Variants in PRKCE observed in about 807,000 individuals in gnomAD.
The protein encoded by PRKCE is protein kinase C epsilon type.
A neutral mutation model predicts 85.4 loss-of-function variants in PRKCE; 16 were observed. The observed-to-expected ratio is 0.19, with a 90% CI of 0.13 to 0.28. The LOEUF (loss-of-function observed/expected upper bound fraction) is 0.28. Ranked by LOEUF, PRKCE falls within the 10% of genes least tolerant of loss-of-function variation. The probability of loss-of-function intolerance (pLI) is 1.00; values close to 1 mark genes in which losing one functional copy is unlikely to be tolerated. For synonymous variants in PRKCE, 388 were observed against 371.5 expected (o/e 1.04, Z -0.51); for missense variants, 573 against 975.2 (o/e 0.59, Z 5.49).
Position 45,865,105 on chromosome 2 carries a change from C to T in PRKCE, c.412+22042C>T, listed in dbSNP as rs771356847. On this transcript the variant is annotated intron_variant, in intron 2 of 14. Transcript: ENST00000306156. ...GTTACCTGGGGAACTTGTTAAAATG[C>T]GGATTCTGAATCAGAAAATCTGGGG... is the stretch of plus-strand genomic sequence containing the variant. 1.2e-4 allele frequency among the ~76,000 whole-genome samples: 18 copies of T among 152,284 alleles called. No homozygotes were observed. The East Asian group carries it at 1.3e-3, about 11-fold the overall frequency.
chr2:45,776,647 A>G (rs1001641085), intron 1 of PRKCE, among the ~76,000 whole-genome samples: 1 of 152,208 alleles, frequency 6.6e-6, no homozygotes, highest in African/African-American at 2.4e-5. Context: ...AGATGATCTA[A>G]TCAAAACCAC....
At chr2:45,836,222 T>G (rs2105437314) in intron 1 of PRKCE, among the ~76,000 whole-genome samples, 1 of 152,364 alleles carries the variant, frequency 6.6e-6, no homozygotes, top group East Asian at 1.9e-4. Context: ...GAAGCCTGCA[T>G]GTCTTTGCAC....
At chr2:46,104,031 G>T (rs1348093801) in intron 11 of PRKCE, among the ~76,000 whole-genome samples, 3 of 152,140 alleles carry the variant, frequency 2.0e-5, no homozygotes, top group Non-Finnish European at 4.4e-5. Flanking sequence ...TCCACCGTTT[G>T]CTTTATTTTC....
intron 5 of PRKCE, among the ~76,000 whole-genome samples, chr2:45,984,134 C>T (rs1269716992): frequency 2.0e-5 from 3 of 151,944 alleles, no homozygotes; most frequent in Non-Finnish European, 4.4e-5. Context: ...GACAGGGTTT[C>T]ACCATGTTGG....
At chr2:46,110,762 T>G (rs1672183687) in intron 11 of PRKCE, among the ~76,000 whole-genome samples, 1 of 152,092 alleles carries the variant, frequency 6.6e-6, no homozygotes, top group South Asian at 2.1e-4. Flanking sequence ...CTTTTCTAGT[T>G]TCTTGGGGCA....
intron 1 of PRKCE, among the ~76,000 whole-genome samples, chr2:45,754,706 C>T (rs1223175241): frequency 1.3e-5 from 2 of 152,208 alleles, no homozygotes; most frequent in African/African-American, 2.4e-5. Flanking sequence ...TCTAATTTAG[C>T]TTCCCCATCC....
At chr2:46,062,709 A>G (rs944293146) in intron 10 of PRKCE, among the ~76,000 whole-genome samples, 6 of 113,316 alleles carry the variant, frequency 5.3e-5, no homozygotes, top group Non-Finnish European at 8.1e-5. Flanking sequence ...GGTCTCGCTC[A>G]GTGGCCCAGG....
chr2:46,045,587 T>C (rs1708473398), intron 10 of PRKCE, among the ~76,000 whole-genome samples: 2 of 152,174 alleles, frequency 1.3e-5, no homozygotes, highest in Non-Finnish European at 2.9e-5. Context: ...CTATGGAAAA[T>C]GAAGCATATG....
chr2:45,931,182 C>T (rs1444873543), intron 2 of PRKCE, among the ~76,000 whole-genome samples: 1 of 152,212 alleles, frequency 6.6e-6, no homozygotes, highest in Non-Finnish European at 1.5e-5. Context: ...TAAGTCCTTG[C>T]ACTCTGATAA....
chr2:45,769,301 A>G (rs552886813), intron 1 of PRKCE, among the ~76,000 whole-genome samples: 2 of 151,806 alleles, frequency 1.3e-5, no homozygotes, highest in Non-Finnish European at 2.9e-5. Flanking sequence ...CTTCCTCCCC[A>G]TGGATACATC....
At chr2:45,860,932 G>A (rs1448855647) in intron 2 of PRKCE, among the ~76,000 whole-genome samples, 1 of 152,140 alleles carries the variant, frequency 6.6e-6, no homozygotes, top group African/African-American at 2.4e-5. Context: ...TCCTTAACCC[G>A]TGTCCCAGAC....
intron 13 of PRKCE, among the ~76,000 whole-genome samples, chr2:46,153,048 C>T (rs1184854045): frequency 5.3e-5 from 8 of 152,040 alleles, no homozygotes; most frequent in Non-Finnish European, 1.2e-4. Context: ...CTCTCTCTTT[C>T]ATTCATTCAT....
rs1680509731 is a variant in PRKCE, at chr2:46,187,227, G to A, written c.*2346G>A. 6.6e-6 allele frequency: 1 copy of A among 152,660 alleles called. No individual in the cohort carries two copies. The highest frequency in any genetic ancestry group is 2.4e-5 in the African/African-American group (1 of 41,458). The allele number at this position is 152,660 out of a possible 1,614,324, so 9.5% of individuals were successfully genotyped here. On this transcript the variant is annotated 3_prime_UTR_variant, in exon 15 of 15. Coordinates refer to ENST00000306156, the MANE Select transcript of PRKCE (RefSeq NM_005400.3). ...AGGGCCTAGTGTTTGCACGGCAGTG[G>A]GAACTGGGCCTTTCCTACAGGACAA...
At chr2:45,692,428 C>T (rs1677805450) in intron 1 of PRKCE, among the ~76,000 whole-genome samples, 1 of 152,164 alleles carries the variant, frequency 6.6e-6, no homozygotes, top group East Asian at 1.9e-4. Context: ...TTTCCTCTCC[C>T]TGTCTTCTCC....
At chr2:45,684,584 A>G (rs1011870181) in intron 1 of PRKCE, among the ~76,000 whole-genome samples, 1 of 152,242 alleles carries the variant, frequency 6.6e-6, no homozygotes, top group Non-Finnish European at 1.5e-5. Context: ...TTGGACCTAC[A>G]ATATTGATTT....
intron 1 of PRKCE, chr2:45,677,750 C>T (rs900854922): frequency 9.7e-6 from 5 of 516,320 alleles, no homozygotes; most frequent in Non-Finnish European, 1.2e-5. Context: ...GATACTCTGG[C>T]TTGTGGTCGG....
chr2:45,969,320 C>A (rs992074519), intron 2 of PRKCE, among the ~76,000 whole-genome samples: 1 of 152,142 alleles, frequency 6.6e-6, no homozygotes, highest in Non-Finnish European at 1.5e-5. Flanking sequence ...TGCAGTGAGG[C>A]AGATGCAGGC....
intron 1 of PRKCE, among the ~76,000 whole-genome samples, chr2:45,682,437 T>A (rs924011021): frequency 1.3e-4 from 20 of 150,792 alleles, no homozygotes; most frequent in Admixed American, 1.3e-3. Flanking sequence ...TATTTATTTA[T>A]TTTTTTTGAG....
At chr2:46,039,618 G>T (rs1409713403) in intron 10 of PRKCE, among the ~76,000 whole-genome samples, 2 of 151,766 alleles carry the variant, frequency 1.3e-5, no homozygotes, top group Non-Finnish European at 2.9e-5. Flanking sequence ...ATTAAATTTT[G>T]CTCCCAGGGT....
Sources: allele counts gnomAD v4.1 joint callset (sites outside exome capture counted in the v4.1 genomes callset), GRCh38; gene constraint gnomAD v4.1.1; transcripts MANE v1.5; gene names NCBI Gene and HGNC (gene_info 2026-07-23, HGNC 2026-07-21).